The following SNCAIP variants were observed in gnomAD, a reference collection of about 807,000 sequenced individuals.
SNCAIP encodes synphilin-1.
SNCAIP carries 43 observed loss-of-function variants against 86.7 expected under a neutral mutation model. That is an observed-to-expected ratio of 0.50 (90% CI 0.39 to 0.64). SNCAIP has a LOEUF of 0.64. Ranked by LOEUF, SNCAIP falls within the 30% of genes least tolerant of loss-of-function variation. The probability of loss-of-function intolerance (pLI) is 0.00; values close to 1 mark genes in which losing one functional copy is unlikely to be tolerated. For synonymous variants in SNCAIP, 417 were observed against 427.2 expected, an observed-to-expected ratio of 0.98 and a Z score of 0.29; for missense variants, 981 against 1,103.1, an observed-to-expected ratio of 0.89 and a Z score of 1.57.
chr5:122,424,914 A>G (rs150136427), intron 4 of SNCAIP, among the ~76,000 whole-genome samples: 24 of 152,354 alleles, frequency 1.6e-4, no homozygotes, highest in Non-Finnish European at 2.9e-4. Context: ...GTTGTTTGCC[A>G]TAGCCAGTTC....
rs1779905512 is a variant in SNCAIP, at chr5:122,437,944, A to G, written c.1297-2685A>G. Among the ~76,000 whole-genome samples, 3 of 152,094 alleles carry G rather than the reference A, an allele frequency of 2.0e-5. No homozygotes were observed. The South Asian group carries it at 6.2e-4, about 32-fold the overall frequency. ...GTATTCCATTGCCTATAACCCCACT[A>G]CTAAAACTAAAGCACTGTGATTTTA... On this transcript the variant is annotated intron_variant, in intron 6 of 10. Coordinates refer to ENST00000261368, the MANE Select transcript of SNCAIP (RefSeq NM_005460.4).
intron 2 of SNCAIP, among the ~76,000 whole-genome samples, chr5:122,396,903 G>T (rs982291007): frequency 6.6e-6 from 1 of 152,024 alleles, no homozygotes; most frequent in Admixed American, 6.6e-5. Context: ...TTTGTCATTT[G>T]TAATTTTTGC....
intron 10 of SNCAIP, among the ~76,000 whole-genome samples, chr5:122,458,151 C>T (rs768239104): frequency 3.3e-5 from 5 of 152,196 alleles, no homozygotes; most frequent in Non-Finnish European, 7.3e-5. Context: ...GGAAGACCCT[C>T]GTACTCTCTT....
intron 1 of SNCAIP, among the ~76,000 whole-genome samples, chr5:122,355,176 C>T (rs1258192720): frequency 6.6e-6 from 1 of 152,138 alleles, no homozygotes; most frequent in Non-Finnish European, 1.5e-5. Context: ...TAAACAAACA[C>T]ATAACAAATT....
At chr5:122,430,527 A>G (rs1056830470) in intron 5 of SNCAIP, among the ~76,000 whole-genome samples, 3 of 152,174 alleles carry the variant, frequency 2.0e-5, no homozygotes, top group Admixed American at 6.5e-5. Flanking sequence ...TAATTTGTCC[A>G]TGGTCTTGCA....
intron 1 of SNCAIP, chr5:122,371,853 CA>C (rs547017718): frequency 4.7e-4 from 71 of 152,190 alleles, no homozygotes; most frequent in Admixed American, 4.5e-3. Context: ...GTGGCTGGCT[CA>C]AGTTGGTGTT....
chr5:122,404,306 T>C (rs1288863831), intron 3 of SNCAIP, among the ~76,000 whole-genome samples: 1 of 152,194 alleles, frequency 6.6e-6, no homozygotes, highest in Non-Finnish European at 1.5e-5. Flanking sequence ...TGCGACATGA[T>C]AGAATCTGCA....
intron 1 of SNCAIP, among the ~76,000 whole-genome samples, chr5:122,320,202 A>G (rs1752630838): frequency 6.6e-6 from 1 of 152,192 alleles, no homozygotes; most frequent in Non-Finnish European, 1.5e-5. Context: ...GACAGATAAC[A>G]TCATTAGAGT....
chr5:122,407,433 A>C (rs531935266), intron 3 of SNCAIP, among the ~76,000 whole-genome samples: 1 of 152,010 alleles, frequency 6.6e-6, no homozygotes, highest in African/African-American at 2.4e-5. Context: ...TCAGGGTCAG[A>C]CTCCTTGGGG....
At chr5:122,422,168 T>A (rs1776515153) in intron 3 of SNCAIP, among the ~76,000 whole-genome samples, 1 of 152,164 alleles carries the variant, frequency 6.6e-6, no homozygotes, top group Non-Finnish European at 1.5e-5. Context: ...CTGTGTCATA[T>A]GTCAGAAAGC....
intron 5 of SNCAIP, 96 bp downstream of exon 5, chr5:122,425,627 A>G (rs1397441412): frequency 1.9e-6 from 2 of 1,033,440 alleles, no homozygotes; most frequent in Non-Finnish European, 3.0e-6. Context: ...GAGAGAAGAG[A>G]GTGATTTGTC....
At chr5:122,404,502 C>A (rs1197606408) in intron 3 of SNCAIP, among the ~76,000 whole-genome samples, 1 of 152,132 alleles carries the variant, frequency 6.6e-6, no homozygotes, top group Non-Finnish European at 1.5e-5. Context: ...AATTAAGCTT[C>A]TCTTCTTTTC....
At chr5:122,409,830 A>G (rs1773758432) in intron 3 of SNCAIP, among the ~76,000 whole-genome samples, 1 of 152,234 alleles carries the variant, frequency 6.6e-6, no homozygotes, top group African/African-American at 2.4e-5. Flanking sequence ...TGCTAAATAT[A>G]TAAACCTCCT....
At chr5:122,358,168 TGTGTGTGTGTGTGTGTGTG>T (rs1761432308) in intron 1 of SNCAIP, among the ~76,000 whole-genome samples, 1 of 59,894 alleles carries the variant, frequency 1.7e-5, no homozygotes, top group African/African-American at 6.8e-5. Context: ...TTTGTGTGTG[TGTGTGTGTGTGTGTGTGTG>T]TGTGTGTGTG....
chr5:122,459,499 G>A (rs967751907), intron 10 of SNCAIP, among the ~76,000 whole-genome samples: 4 of 152,108 alleles, frequency 2.6e-5, no homozygotes, highest in East Asian at 1.9e-4. Context: ...AAACACTTTC[G>A]TTCTTTGAAT....
At chr5:122,373,529 C>T (rs1310188033) in intron 1 of SNCAIP, among the ~76,000 whole-genome samples, 3 of 152,182 alleles carry the variant, frequency 2.0e-5, no homozygotes, top group Non-Finnish European at 4.4e-5. Context: ...CCTCTGCAGA[C>T]GTGCTTGAGA....
chr5:122,460,893 G>A (rs899041346), intron 10 of SNCAIP, among the ~76,000 whole-genome samples: 3 of 152,054 alleles, frequency 2.0e-5, no homozygotes, highest in African/African-American at 7.2e-5. Context: ...GCTGCCTCCT[G>A]GCACTGCCAC....
At chr5:122,452,833 C>T (rs759559943) in intron 10 of SNCAIP, 56 of 794,102 alleles carry the variant, frequency 7.1e-5, no homozygotes, top group Admixed American at 8.0e-5. Flanking sequence ...TCTAATCTAT[C>T]TATCTTCCTG....
At chr5:122,411,211 T>C (rs962881409) in intron 3 of SNCAIP, among the ~76,000 whole-genome samples, 6 of 152,208 alleles carry the variant, frequency 3.9e-5, no homozygotes, top group African/African-American at 1.4e-4. Context: ...GGACATCCTT[T>C]AGGCAGGGAG....
Sources: allele counts gnomAD v4.1 joint callset (sites outside exome capture counted in the v4.1 genomes callset), GRCh38; gene constraint gnomAD v4.1.1; transcripts MANE v1.5; gene names NCBI Gene and HGNC (gene_info 2026-07-23, HGNC 2026-07-21).